Variants in CFAP144 observed in about 807,000 individuals in gnomAD.
CFAP144 encodes the protein cilia and flagella associated protein 144.
the CFAP144 span, chr1:43,145,447 A>T: frequency 4.5e-6 from 3 of 660,472 alleles, no homozygotes; most frequent in Admixed American, 4.9e-5. Flanking sequence ...TCATCCTAGG[A>T]TTCCAGGACC....
chr1:43,150,273 G>A, the CFAP144 span, among the ~76,000 whole-genome samples: 1 of 152,218 alleles, frequency 6.6e-6, no homozygotes, highest in Non-Finnish European at 1.5e-5. Context: ...ATTATGAGCT[G>A]AGTGGATGAA....
chr1:43,147,386 A>AAAGT, the CFAP144 span, among the ~76,000 whole-genome samples: 2 of 111,686 alleles, frequency 1.8e-5, no homozygotes, highest in African/African-American at 9.8e-5. Flanking sequence ...ACAAACATTA[A>AAAGT]AAATAAACTA....
At chr1:43,156,085 T>G in the CFAP144 span, 1 of 775,114 alleles carries the variant, frequency 1.3e-6, no homozygotes, top group Non-Finnish European at 2.3e-6. Context: ...TCATCTCCAT[T>G]CCGCAATGCA....
At chr1:43,156,018 A>C in the CFAP144 span, among the ~76,000 whole-genome samples, 1 of 152,340 alleles carries the variant, frequency 6.6e-6, no homozygotes, top group East Asian at 1.9e-4. Flanking sequence ...AGGGAGAACC[A>C]CGACTGTGCG....
chr1:43,143,054 C>T, the CFAP144 span, among the ~76,000 whole-genome samples: 1 of 151,810 alleles, frequency 6.6e-6, no homozygotes, highest in Non-Finnish European at 1.5e-5. Flanking sequence ...TATTTGCCAC[C>T]CAGCTAATAA....
the CFAP144 span, among the ~76,000 whole-genome samples, chr1:43,147,340 C>T: frequency 6.6e-6 from 1 of 152,032 alleles, no homozygotes; most frequent in East Asian, 1.9e-4. Flanking sequence ...TTAAAAATGG[C>T]TAAGATGGTA....
chr1:43,144,249 C>T, the CFAP144 span, among the ~76,000 whole-genome samples: 1 of 152,154 alleles, frequency 6.6e-6, no homozygotes, highest in Non-Finnish European at 1.5e-5. Flanking sequence ...CCCATGACAA[C>T]TCTTAAACCT....
At chr1:43,153,486 T>C in the CFAP144 span, among the ~76,000 whole-genome samples, 1 of 151,902 alleles carries the variant, frequency 6.6e-6, no homozygotes, top group Non-Finnish European at 1.5e-5. Context: ...GTCGCACGCT[T>C]ATAGTCCAGC....
the CFAP144 span, among the ~76,000 whole-genome samples, chr1:43,149,014 C>T: frequency 6.6e-6 from 1 of 152,178 alleles, no homozygotes; most frequent in Non-Finnish European, 1.5e-5. Flanking sequence ...CCTGAAGCCT[C>T]TGCAGGGCCC....
At chr1:43,150,845 A>G in the CFAP144 span, 1 of 1,586,538 alleles carries the variant, frequency 6.3e-7, no homozygotes, top group African/African-American at 1.3e-5. Flanking sequence ...TTGAAATGCC[A>G]TTGAGATAGA....
the CFAP144 span, among the ~76,000 whole-genome samples, chr1:43,150,023 A>C: frequency 9.8e-4 from 149 of 152,248 alleles, no homozygotes; most frequent in Non-Finnish European, 1.6e-3. Context: ...CACACACAGC[A>C]CATTCCCTCA....
chr1:43,151,265 G>C, the CFAP144 span, among the ~76,000 whole-genome samples: 2 of 152,176 alleles, frequency 1.3e-5, no homozygotes, highest in African/African-American at 4.8e-5. Context: ...ATTAAACAAA[G>C]CAATACCAGT....
chr1:43,154,336 CCT>C, the CFAP144 span, among the ~76,000 whole-genome samples: 58 of 137,506 alleles, frequency 4.2e-4, no homozygotes, highest in Non-Finnish European at 6.7e-4. Context: ...ATATATATCC[CCT>C]CTTTTTATAT....
At chr1:43,156,100 C>G in the CFAP144 span, 11 of 885,986 alleles carry the variant, frequency 1.2e-5, no homozygotes, top group Non-Finnish European at 1.9e-5. Flanking sequence ...AATGCAGCCA[C>G]AGGCTGGGAG....
chr1:43,147,203 C>A, the CFAP144 span, among the ~76,000 whole-genome samples: 11 of 152,176 alleles, frequency 7.2e-5, no homozygotes, highest in South Asian at 2.3e-3. Flanking sequence ...TTCATAGAAA[C>A]AAAAAGTGAA....
the CFAP144 span, among the ~76,000 whole-genome samples, chr1:43,155,026 G>A: frequency 6.6e-6 from 1 of 152,190 alleles, no homozygotes; most frequent in Admixed American, 6.5e-5. Context: ...AAGGTAGGGG[G>A]TTCTGGTTAA....
chr1:43,152,858 C>A, the CFAP144 span: 1 of 1,613,080 alleles, frequency 6.2e-7, no homozygotes, highest in Non-Finnish European at 8.5e-7. Flanking sequence ...CACCATGCTG[C>A]CCAGGGACCA....
chr1:43,145,250 T>G, the CFAP144 span: 3 of 1,549,752 alleles, frequency 1.9e-6, no homozygotes, highest in Non-Finnish European at 1.7e-6. Flanking sequence ...TGACAGAGAA[T>G]GAAGAGGAGA....
At chr1:43,156,244 C>T in the CFAP144 span, 1 of 1,614,014 alleles carries the variant, frequency 6.2e-7, no homozygotes, top group Non-Finnish European at 8.5e-7. Flanking sequence ...TGAATCACTT[C>T]AGGGTCTGCA....
Sources: allele counts gnomAD v4.1 joint callset (sites outside exome capture counted in the v4.1 genomes callset), GRCh38; gene constraint gnomAD v4.1.1; transcripts MANE v1.5; gene names NCBI Gene and HGNC (gene_info 2026-07-23, HGNC 2026-07-21).